Variants in HELZ observed in about 807,000 individuals in gnomAD.
HELZ encodes the protein helicase with zinc finger, also known as ATP-dependent RNA helicase with zinc finger domain.
A neutral mutation model predicts 218.2 loss-of-function variants in HELZ; 23 were observed. That is an observed-to-expected ratio of 0.11 (90% CI 0.08 to 0.15). The LOEUF (loss-of-function observed/expected upper bound fraction) is 0.15, where lower values mean the gene tolerates loss of function less well. Among genes scored for constraint, HELZ ranks in the 10% least tolerant of loss-of-function variants. The pLI is 1.00. For synonymous variants in HELZ, 814 were observed against 829.4 expected (o/e 0.98, Z 0.32); for missense variants, 1,813 against 2,353.7 (o/e 0.77, Z 4.75).
intron 1 of HELZ, 112 bp downstream of exon 1, chr17:67,245,036 C>G (rs1323521302): frequency 1.0e-6 from 1 of 984,670 alleles, no homozygotes; most frequent in Admixed American, 6.2e-5. Context: ...TGCCCCGGGG[C>G]CGCCGCGCCC....
intron 2 of HELZ, among the ~76,000 whole-genome samples, chr17:67,240,011 C>G (rs754497802): frequency 2.0e-5 from 3 of 152,276 alleles, no homozygotes; most frequent in African/African-American, 4.8e-5. Flanking sequence ...GATGGTAATT[C>G]ATTACTACCA....
In HELZ at chr17:67,243,575, G is replaced by A. The variant is rs182563051; in HGVS notation, c.-76+209C>T. ...TTGGCTCTTAGTTAAGTACCACTAT[G>A]TTTGAGTATGTTGGAGCAACTGAAA... On this transcript the variant is annotated intron_variant, in intron 2 of 32. Coordinates refer to ENST00000358691, the MANE Select transcript of HELZ (RefSeq NM_014877.4). Among the ~76,000 whole-genome samples, 11 of 152,336 alleles carry A rather than the reference G, an allele frequency of 7.2e-5. No individual in the cohort carries two copies. In the East Asian group the frequency reaches 9.6e-4, roughly 13 times the overall value.
chr17:67,126,945 G>T (rs1187724512), intron 24 of HELZ, among the ~76,000 whole-genome samples: 1 of 152,136 alleles, frequency 6.6e-6, no homozygotes, highest in Non-Finnish European at 1.5e-5. Context: ...CTTATACCGG[G>T]AGTCTTTTGT....
chr17:67,221,118 T>TA (rs1296241940), intron 3 of HELZ, among the ~76,000 whole-genome samples: 9 of 152,218 alleles, frequency 5.9e-5, no homozygotes, highest in Non-Finnish European at 1.5e-5. Context: ...ACAAAATTAC[T>TA]AACTCATGAT....
At chr17:67,145,280 G>C (rs1218161403) in intron 21 of HELZ, among the ~76,000 whole-genome samples, 2 of 152,188 alleles carry the variant, frequency 1.3e-5, no homozygotes, top group East Asian at 3.8e-4. Flanking sequence ...TAAAAAGTCA[G>C]AAATTGCAAG....
At position 67,073,539 on chromosome 17, in the gene HELZ, C is replaced by G. The variant is rs7217216; in HGVS notation, c.*4713G>C. The G allele has an allele frequency of 1.3e-5, 2 of 152,016 alleles. No homozygotes were observed. Among genetic ancestry groups the G allele is most frequent in the Non-Finnish European group, 2.9e-5 (2 of 67,984 alleles). The allele number at this position is 152,016 out of a possible 1,614,324, so 9.4% of individuals were successfully genotyped here. On this transcript the variant is annotated 3_prime_UTR_variant, in exon 33 of 33. Coordinates refer to ENST00000358691, the MANE Select transcript of HELZ (RefSeq NM_014877.4). ...ACACTCCAGTTTTAGACGCTTTAGA[C>G]GACCACTGCGGAACTGGGTTTGGTA...
chr17:67,150,555 C>T (rs139188301), intron 18 of HELZ, among the ~76,000 whole-genome samples: 103 of 152,220 alleles, frequency 6.8e-4, no homozygotes, highest in African/African-American at 2.4e-3. Context: ...TCAAATATAA[C>T]AATCTTAATA....
At position 67,195,468 on chromosome 17, in the gene HELZ, T is replaced by G. The variant is rs758927886; in HGVS notation, c.432A>C (p.Thr144=). ...ATCCAGAGAGGGCGTTACTAGTTGCTGTCTGCAATTTTCCAAATGAAAGAA... is the reference window on the plus strand; with the variant it reads ...ATCCAGAGAGGGCGTTACTAGTTGCGGTCTGCAATTTTCCAAATGAAAGAA... ...RLKTLLSETE[T]ATSNALSGYH... The change falls in exon 8 of 33, where the codon ACA becomes ACC. Residue 144 remains threonine (T), a splice_region_variant and synonymous_variant. Coordinates refer to ENST00000358691, the MANE Select transcript of HELZ (RefSeq NM_014877.4). 1 of 1,594,302 alleles carries G rather than the reference T, an allele frequency of 6.3e-7. No homozygotes were observed. Among genetic ancestry groups the G allele is most frequent in the Non-Finnish European group, 8.6e-7 (1 of 1,162,424 alleles).
chr17:67,244,607 T>A (rs2041419705), intron 1 of HELZ: 5 of 368,904 alleles, frequency 1.4e-5, no homozygotes, highest in East Asian at 1.9e-4. Context: ...AGAAAGTGAA[T>A]CTCGGGCCGA....
In HELZ at chr17:67,196,879, A is replaced by C. The variant is rs1292051752; in HGVS notation, c.430-1409T>G. On this transcript the variant is annotated intron_variant, in intron 7 of 32. Transcript: ENST00000358691. ...TTCTATCCTGCTCTGAATATTCTCCAAATCTTGTCCAAACAGGTCTAGAAT... is the reference window on the plus strand; with the variant it reads ...TTCTATCCTGCTCTGAATATTCTCCCAATCTTGTCCAAACAGGTCTAGAAT... Among the ~76,000 whole-genome samples, 5 of 152,104 alleles carry C rather than the reference A, an allele frequency of 3.3e-5. No individual in the cohort carries two copies. In the East Asian group the frequency reaches 5.8e-4, roughly 18 times the overall value.
rs942742318 is a variant in HELZ at position 67,203,255 on chromosome 17, T to C, written c.372+64A>G. On this transcript the variant is annotated intron_variant, in intron 6 of 32. Coordinates refer to ENST00000358691, the MANE Select transcript of HELZ (RefSeq NM_014877.4). ...AAGATACACTTTTTTTTCCCCACAA[T>C]ATACCTAAGGAATCAAATAAAAATT... 20 of 1,539,196 alleles carry C rather than the reference T, an allele frequency of 1.3e-5. No individual in the cohort carries two copies. The Admixed American group carries it at 3.5e-4, about 27-fold the overall frequency.
chr17:67,107,672 T>C lies in HELZ; in HGVS notation c.4738A>G (p.Ile1580Val), dbSNP rs1470321637. The stretch of plus-strand genomic sequence containing the variant: ...TGATCACGATGAGACAGTTCTCTGA[T>C]TAAGTCTTGAAACCTACATGAAAAC... Reference protein sequence around the residue: ...ETTYSRFQDLIRELSHRDQSE... With the variant: ...ETTYSRFQDLVRELSHRDQSE... Residue 1580 changes from isoleucine (I) to valine (V), a missense_variant, in exon 31 of 33, where the codon ATC becomes GTC. Physicochemically the swap from Ile to Val is conservative, Grantham distance 29. Coordinates refer to ENST00000358691, the MANE Select transcript of HELZ (RefSeq NM_014877.4). 7 of 1,612,316 alleles carry C rather than the reference T, an allele frequency of 4.3e-6. No individual in the cohort carries two copies. The highest frequency in any genetic ancestry group is 1.3e-5 in the African/African-American group (1 of 74,806).
At chr17:67,148,544 C>A in intron 20 of HELZ, 25 bp downstream of exon 20, 1 of 1,597,334 alleles carries the variant, frequency 6.3e-7, no homozygotes, top group South Asian at 1.1e-5. Context: ...GAAAGTATGA[C>A]ACGGAGGGGG....
At chr17:67,079,914 T>A (rs966244624) in intron 32 of HELZ, among the ~76,000 whole-genome samples, 1 of 152,346 alleles carries the variant, frequency 6.6e-6, no homozygotes, top group South Asian at 2.1e-4. Flanking sequence ...TTTTTACATA[T>A]GAAGAATACT....
chr17:67,183,917 G>A (rs2039680268), intron 12 of HELZ, among the ~76,000 whole-genome samples: 1 of 151,558 alleles, frequency 6.6e-6, no homozygotes, highest in Admixed American at 6.6e-5. Flanking sequence ...GAGTTTTCAG[G>A]ATTGCCAAAA....
At chr17:67,119,233 T>TA (rs1452138515) in intron 27 of HELZ, among the ~76,000 whole-genome samples, 1 of 152,138 alleles carries the variant, frequency 6.6e-6, no homozygotes, top group Non-Finnish European at 1.5e-5. Flanking sequence ...GGCCAAAAAT[T>TA]AGATACAACT....
intron 17 of HELZ, among the ~76,000 whole-genome samples, chr17:67,156,396 C>T (rs1469228340): frequency 4.6e-5 from 7 of 152,126 alleles, no homozygotes; most frequent in African/African-American, 1.7e-4. Flanking sequence ...CCCAACCTCT[C>T]CCCTCCTTTC....
rs754442051 is a variant in HELZ at position 67,108,680 on chromosome 17, C to G, written c.4536G>C (p.Gln1512His). ...SVALETLRQQQARFQQWSEHH... is the reference protein window; with the variant it reads ...SVALETLRQQHARFQQWSEHH... ...GCTCGCTCCACTGCTGGAACCGTGC[C>G]TGCTGCTGCCTTAATGTTTCCAGAG... The change falls in exon 30 of 33, where the codon CAG becomes CAC. Residue 1512 changes from glutamine to histidine, a missense_variant. Around this residue, in one of 4 missense-constraint regions of HELZ, gnomAD observed 938 missense variants for 1,027.5 expected, o/e 0.91. Transcript: ENST00000358691. This position sits in a 1 kb window ranked among gnomAD's most constrained non-coding sequence, Gnocchi z 4.1. The G allele has an allele frequency of 6.8e-6, 11 of 1,613,826 alleles. No individual in the cohort carries two copies. The African/African-American group carries it at 1.5e-4, about 22-fold the overall frequency.
intron 31 of HELZ, among the ~76,000 whole-genome samples, chr17:67,091,810 A>G (rs1374887441): frequency 6.6e-6 from 1 of 152,160 alleles, no homozygotes; most frequent in Non-Finnish European, 1.5e-5. Context: ...AAACTAATCT[A>G]TTTAATTTCC....
Sources: allele counts gnomAD v4.1 joint callset (sites outside exome capture counted in the v4.1 genomes callset), GRCh38; gene constraint gnomAD v4.1.1; regional missense constraint gnomAD v4.1.1; non-coding constraint Gnocchi (gnomAD v3.1); transcripts MANE v1.5; gene names NCBI Gene and HGNC (gene_info 2026-07-23, HGNC 2026-07-21).